Variants in LRP1B observed in about 807,000 individuals in gnomAD.
The protein encoded by LRP1B is LDL receptor related protein 1B.
Under a neutral mutation model 556.6 loss-of-function variants are expected in LRP1B, and 217 were observed. That is an observed-to-expected ratio of 0.39 (90% CI 0.35 to 0.44). LRP1B has a LOEUF of 0.44. Ranked by LOEUF, LRP1B falls within the 20% of genes least tolerant of loss-of-function variation. The pLI, the probability that LRP1B is intolerant of heterozygous loss-of-function variation, is 1.00. For missense variants in LRP1B, 5,053 were observed against 5,620.8 expected, an observed-to-expected ratio of 0.90 and a Z score of 3.23; for synonymous variants, 2,047 against 1,865.8, an observed-to-expected ratio of 1.10 and a Z score of -2.50.
At position 140,834,622 on chromosome 2, in the gene LRP1B, C is replaced by T. The variant is rs543599688; in HGVS notation, c.5209+5369G>A. 9.8e-5 allele frequency among the ~76,000 whole-genome samples: 15 copies of T among 152,316 alleles called. No homozygotes were observed. In the South Asian group the frequency reaches 1.5e-3, roughly 15 times the overall value. On this transcript the variant is annotated intron_variant, in intron 31 of 90. Coordinates refer to ENST00000389484, the MANE Select transcript of LRP1B (RefSeq NM_018557.3). ...GGCCAGTTAGTGTTCTCTTTTACCA[C>T]TGTCAAGAAGAAAGTCAGCTGTGTC...
chr2:141,821,513 T>G (rs947198080), intron 1 of LRP1B, among the ~76,000 whole-genome samples: 1 of 152,180 alleles, frequency 6.6e-6, no homozygotes, highest in Non-Finnish European at 1.5e-5. Context: ...TAGAAGCACA[T>G]GACAGAATTT....
At chr2:141,016,119 C>A (rs1697892953) in intron 12 of LRP1B, among the ~76,000 whole-genome samples, 1 of 152,046 alleles carries the variant, frequency 6.6e-6, no homozygotes, top group Non-Finnish European at 1.5e-5. Flanking sequence ...TGCATTTACA[C>A]TTATTACAGA....
At chr2:141,026,907 C>G (rs556185866) in intron 11 of LRP1B, among the ~76,000 whole-genome samples, 1 of 151,986 alleles carries the variant, frequency 6.6e-6, no homozygotes, top group Admixed American at 6.6e-5. Context: ...AAACAAAGAC[C>G]CAGAAAAGTA....
At chr2:141,223,084 A>G (rs1386324595) in intron 6 of LRP1B, among the ~76,000 whole-genome samples, 2 of 152,184 alleles carry the variant, frequency 1.3e-5, no homozygotes, top group African/African-American at 4.8e-5. Context: ...ATAGGAAGAG[A>G]GGAAGTTGAG....
intron 46 of LRP1B, among the ~76,000 whole-genome samples, chr2:140,534,576 C>T (rs914538777): frequency 7.2e-5 from 11 of 152,046 alleles, no homozygotes; most frequent in African/African-American, 2.7e-4. Flanking sequence ...GCACGTATTC[C>T]TGAATCAGTG....
chr2:140,867,006 C>T (rs1022153638), intron 27 of LRP1B, among the ~76,000 whole-genome samples: 1 of 151,992 alleles, frequency 6.6e-6, no homozygotes, highest in African/African-American at 2.4e-5. Context: ...GGTTATATCA[C>T]ATATAATGAG....
intron 7 of LRP1B, among the ~76,000 whole-genome samples, chr2:141,169,025 C>T (rs1452610389): frequency 6.6e-6 from 1 of 151,904 alleles, no homozygotes; most frequent in Non-Finnish European, 1.5e-5. Context: ...GTGGCTCAGG[C>T]CTATAATCCC....
intron 41 of LRP1B, among the ~76,000 whole-genome samples, chr2:140,620,367 A>G (rs1445851072): frequency 6.6e-6 from 1 of 152,222 alleles, no homozygotes; most frequent in African/African-American, 2.4e-5. Flanking sequence ...TTCATGCACA[A>G]CTACTGCATA....
At chr2:140,434,561 G>A (rs1045342045) in intron 66 of LRP1B, among the ~76,000 whole-genome samples, 6 of 152,140 alleles carry the variant, frequency 3.9e-5, no homozygotes, top group African/African-American at 1.4e-4. Context: ...AGAGGTGACA[G>A]TTATTTTAAA....
intron 2 of LRP1B, among the ~76,000 whole-genome samples, chr2:141,790,982 C>T (rs1695590730): frequency 2.0e-5 from 3 of 151,944 alleles, no homozygotes; most frequent in East Asian, 1.9e-4. Context: ...ACTTGACATA[C>T]ATCAGTAAAT....
chr2:140,448,121 C>A (rs994245989), intron 63 of LRP1B, among the ~76,000 whole-genome samples: 1 of 151,918 alleles, frequency 6.6e-6, no homozygotes, highest in African/African-American at 2.4e-5. Context: ...GAAAGAGAGA[C>A]AAAGTGACCA....
At chr2:140,323,642 A>ATT (rs1680286928) in intron 81 of LRP1B, among the ~76,000 whole-genome samples, 1 of 151,956 alleles carries the variant, frequency 6.6e-6, no homozygotes, top group South Asian at 2.1e-4. Context: ...AGAATAACAG[A>ATT]TTATTGTAAG....
At chr2:141,274,451 A>G (rs1448328457) in intron 3 of LRP1B, among the ~76,000 whole-genome samples, 1 of 152,172 alleles carries the variant, frequency 6.6e-6, no homozygotes, top group Non-Finnish European at 1.5e-5. Flanking sequence ...AGTCAGTCAC[A>G]GAAGACTACA....
chr2:142,081,998 T>C (rs1235849089), intron 1 of LRP1B, among the ~76,000 whole-genome samples: 1 of 152,222 alleles, frequency 6.6e-6, no homozygotes, highest in African/African-American at 2.4e-5. Context: ...TAAGCAGATT[T>C]GGCTACAGAG....
chr2:141,747,403 G>A (rs888115783), intron 2 of LRP1B, among the ~76,000 whole-genome samples: 2 of 152,176 alleles, frequency 1.3e-5, no homozygotes, highest in Non-Finnish European at 1.5e-5. Context: ...AAAATGCTCA[G>A]GTAGTAATAT....
At chr2:140,613,323 A>G (rs1683134630) in intron 41 of LRP1B, among the ~76,000 whole-genome samples, 1 of 143,096 alleles carries the variant, frequency 7.0e-6, no homozygotes, top group African/African-American at 2.5e-5. Context: ...AATTATATAA[A>G]TATATATAAT....
At chr2:140,703,393 C>T (rs1382109512) in intron 37 of LRP1B, among the ~76,000 whole-genome samples, 1 of 152,020 alleles carries the variant, frequency 6.6e-6, no homozygotes, top group African/African-American at 2.4e-5. Context: ...GTATTTCACT[C>T]ATTCATTCAA....
chr2:140,983,585 C>G (rs1173462791), intron 17 of LRP1B, among the ~76,000 whole-genome samples: 1 of 152,038 alleles, frequency 6.6e-6, no homozygotes, highest in Non-Finnish European at 1.5e-5. Context: ...ATACATTGTT[C>G]TATCCTTTTA....
chr2:140,648,750 G>T (rs936556032), intron 41 of LRP1B, among the ~76,000 whole-genome samples: 4 of 152,136 alleles, frequency 2.6e-5, no homozygotes, highest in Admixed American at 6.5e-5. Flanking sequence ...GCACAGGAAT[G>T]GTGTGAGATC....
Sources: allele counts gnomAD v4.1 joint callset (sites outside exome capture counted in the v4.1 genomes callset), GRCh38; gene constraint gnomAD v4.1.1; transcripts MANE v1.5; gene names NCBI Gene and HGNC (gene_info 2026-07-23, HGNC 2026-07-21).